Variants in MYO16 observed in about 807,000 individuals in gnomAD.
The protein encoded by MYO16 is myosin XVI.
A neutral mutation model predicts 205.3 loss-of-function variants in MYO16; 94 were observed. The ratio of observed to expected loss-of-function variants is 0.46; its 90% CI spans 0.39 to 0.54. The LOEUF (loss-of-function observed/expected upper bound fraction) is 0.54, where lower values mean the gene tolerates loss of function less well. Ranked by LOEUF, MYO16 falls within the 20% of genes least tolerant of loss-of-function variation. The probability of loss-of-function intolerance (pLI) is 0.00; values close to 1 mark genes in which losing one functional copy is unlikely to be tolerated. For missense variants in MYO16, 2,315 were observed against 2,387.5 expected (o/e 0.97, Z 0.63); for synonymous variants, 988 against 954.0 (o/e 1.04, Z -0.66).
chr13:109,199,220 A>ATATATATG (rs1196998897), intron 34 of MYO16, among the ~76,000 whole-genome samples: 1 of 110,758 alleles, frequency 9.0e-6, no homozygotes, highest in East Asian at 3.6e-4. Context: ...ATATATATAT[A>ATATATATG]TATATATATA....
chr13:108,972,388 A>G (rs1443034389), intron 20 of MYO16, among the ~76,000 whole-genome samples: 1 of 69,490 alleles, frequency 1.4e-5, no homozygotes, highest in African/African-American at 6.6e-5. Flanking sequence ...ATATATATAT[A>G]TATATATATA....
chr13:108,786,523 C>T (rs1566328189), intron 5 of MYO16, among the ~76,000 whole-genome samples: 1 of 152,154 alleles, frequency 6.6e-6, no homozygotes, highest in African/African-American at 2.4e-5. Flanking sequence ...TTTTAAGAGC[C>T]ACACGGAGCT....
intron 27 of MYO16, among the ~76,000 whole-genome samples, chr13:109,096,397 C>T (rs945220578): frequency 1.3e-5 from 2 of 152,288 alleles, no homozygotes; most frequent in Admixed American, 6.5e-5. Flanking sequence ...CTAATGATCT[C>T]GCCTTAACTT....
intron 27 of MYO16, among the ~76,000 whole-genome samples, chr13:109,097,498 C>A (rs1419538319): frequency 6.6e-6 from 1 of 152,170 alleles, no homozygotes; most frequent in African/African-American, 2.4e-5. Context: ...TCCCTTTCTT[C>A]TTCTGCAGAA....
At chr13:108,908,426 A>G (rs1222574491) in intron 15 of MYO16, among the ~76,000 whole-genome samples, 2 of 152,224 alleles carry the variant, frequency 1.3e-5, no homozygotes, top group South Asian at 2.1e-4. Flanking sequence ...TAGTGGTTCT[A>G]GTTGTTAGAA....
intron 11 of MYO16, among the ~76,000 whole-genome samples, chr13:108,856,553 A>G (rs1878181093): frequency 6.6e-6 from 1 of 152,188 alleles, no homozygotes; most frequent in South Asian, 2.1e-4. Flanking sequence ...AGAGCTGATT[A>G]CTTTGGTCTC....
chr13:108,794,522 A>AATTC (rs1321089011), intron 6 of MYO16, among the ~76,000 whole-genome samples: 1 of 152,204 alleles, frequency 6.6e-6, no homozygotes, highest in Non-Finnish European at 1.5e-5. Context: ...CAGTAAAACA[A>AATTC]ACTATGGATG....
Position 108,972,351 on chromosome 13 carries a change from C to CATCTATATATATATATATATATATAT in MYO16, c.2369+7451_2369+7452insCTATATATATATATATATATATATAT, listed in dbSNP as rs1406677239. On this transcript the variant is annotated intron_variant, in intron 20 of 34. Transcript: ENST00000457511. ...CCATCTATATATATATATATATAGC[C>CATCTATATATATATATATATATATAT]ATATATATATATATATATATATATA... Among the ~76,000 whole-genome samples the CATCTATATATATATATATATATATAT allele has an allele frequency of 1.1e-4, 2 of 17,446 alleles. 1 individual carries two copies. The highest frequency in any genetic ancestry group is 3.2e-4 in the African/African-American group (2 of 6,264). 11.4% of individuals were successfully genotyped at this position (17,446 alleles called of 152,430 possible). A position where few individuals can be genotyped will look rare whatever the true frequency, so the allele number is the denominator to read the frequency against.
chr13:108,531,828 T>C, the MYO16 span, among the ~76,000 whole-genome samples: 1 of 152,080 alleles, frequency 6.6e-6, no homozygotes, highest in Non-Finnish European at 1.5e-5. Flanking sequence ...GTTCTAGACA[T>C]TGAAGAACCC....
chr13:108,695,008 A>T (rs1224265706), intron 2 of MYO16, among the ~76,000 whole-genome samples: 2 of 152,210 alleles, frequency 1.3e-5, no homozygotes, highest in South Asian at 2.1e-4. Context: ...GCTACTCAGG[A>T]GGCTGAGGCA....
intron 1 of MYO16, among the ~76,000 whole-genome samples, chr13:108,646,430 T>C (rs895549395): frequency 6.6e-6 from 1 of 152,212 alleles, no homozygotes; most frequent in African/African-American, 2.4e-5. Context: ...TAATCAAAGT[T>C]ATGGAAAAAA....
chr13:108,498,053 A>C, the MYO16 span, among the ~76,000 whole-genome samples: 1 of 152,250 alleles, frequency 6.6e-6, no homozygotes, highest in Non-Finnish European at 1.5e-5. Flanking sequence ...TGCAGATCTT[A>C]AATGTGTTAA....
chr13:108,744,821 G>A (rs9301313), intron 4 of MYO16, among the ~76,000 whole-genome samples: 1 of 152,030 alleles, frequency 6.6e-6, no homozygotes, highest in African/African-American at 2.4e-5. Context: ...CTCCTATGCT[G>A]TTAGTGGCCT....
intron 1 of MYO16, among the ~76,000 whole-genome samples, chr13:108,606,496 G>T (rs181269641): frequency 6.6e-6 from 1 of 152,184 alleles, no homozygotes; most frequent in African/African-American, 2.4e-5. Flanking sequence ...GAAGTCCCAA[G>T]CCTTGACAGC....
chr13:108,935,624 T>C (rs147240190), intron 16 of MYO16, among the ~76,000 whole-genome samples: 25 of 152,294 alleles, frequency 1.6e-4, no homozygotes, highest in Middle Eastern at 6.8e-3. Flanking sequence ...CTTCCCTGAT[T>C]TCTCTGGCTA....
intron 32 of MYO16, among the ~76,000 whole-genome samples, chr13:109,144,031 T>TG (rs1877218381): frequency 6.6e-6 from 1 of 151,364 alleles, no homozygotes; most frequent in Non-Finnish European, 1.5e-5. Flanking sequence ...TAATTCTTTT[T>TG]TTTTTTTTTT....
intron 21 of MYO16, among the ~76,000 whole-genome samples, chr13:109,005,435 G>C (rs983750389): frequency 6.6e-6 from 1 of 152,028 alleles, no homozygotes; most frequent in Non-Finnish European, 1.5e-5. Flanking sequence ...GTTACTATTT[G>C]AATGTCAATA....
In MYO16 at chr13:109,141,363, C is replaced by T; in HGVS notation, c.5151C>T (p.Ile1717=). The change falls in exon 32 of 35, where the codon ATC becomes ATT. Residue 1717 remains isoleucine (I), a synonymous_variant. Transcript: ENST00000457511. The surrounding 1 kb of genome is among the most constrained non-coding windows in gnomAD (Gnocchi z 4.1). ...GGAAATCCGCGGCGGGAAGAAAAAT[C>T]AGGGAAGCAGAAGGTAAGCGGAGCA... ...VLRKSAAGRK[I]REAEGFETNM... The T allele has an allele frequency of 6.5e-7, 1 of 1,536,378 alleles. No individual in the cohort carries two copies. Among genetic ancestry groups the T allele is most frequent in the Non-Finnish European group, 8.7e-7 (1 of 1,144,382 alleles).
At chr13:108,594,261 A>C (rs79925237), upstream of MYO16, among the ~76,000 whole-genome samples, 5,242 of 152,196 alleles carry the variant, frequency 0.034, 161 homozygotes, top group East Asian at 0.14. Context: ...ACACCCTCTA[A>C]AATTACCTAA....
Sources: allele counts gnomAD v4.1 joint callset (sites outside exome capture counted in the v4.1 genomes callset), GRCh38; gene constraint gnomAD v4.1.1; non-coding constraint Gnocchi (gnomAD v3.1); transcripts MANE v1.5; gene names NCBI Gene and HGNC (gene_info 2026-07-23, HGNC 2026-07-21).